Variants in ANKFN1 observed in about 807,000 individuals in gnomAD.
The protein encoded by ANKFN1 is ankyrin repeat and fibronectin type III domain containing 1, also known as ankyrin repeat and fibronectin type-III domain-containing protein 1.
ANKFN1 carries 74 observed loss-of-function variants against 108.7 expected under a neutral mutation model. The observed-to-expected ratio is 0.68, with a 90% CI of 0.56 to 0.83. The LOEUF (loss-of-function observed/expected upper bound fraction) is 0.83, where lower values mean the gene tolerates loss of function less well. Among genes scored for constraint, ANKFN1 ranks in the 40% least tolerant of loss-of-function variants. ANKFN1 has a pLI of 0.00. For missense variants in ANKFN1, 1,505 were observed against 1,382.3 expected (o/e 1.09, Z -1.41); for synonymous variants, 547 against 516.2 (o/e 1.06, Z -0.81).
chr17:56,329,770 A>C (rs1042394353), intron 4 of ANKFN1, among the ~76,000 whole-genome samples: 2 of 152,088 alleles, frequency 1.3e-5, no homozygotes, highest in Admixed American at 1.3e-4. Flanking sequence ...TGAAATCTTA[A>C]CCCCCAAGGT....
intron 8 of ANKFN1, among the ~76,000 whole-genome samples, chr17:56,421,582 G>A (rs563346504): frequency 1.3e-4 from 20 of 152,196 alleles, no homozygotes; most frequent in Admixed American, 5.9e-4. Flanking sequence ...ACAAAACAAA[G>A]CAAATTCTAA....
intron 8 of ANKFN1, among the ~76,000 whole-genome samples, chr17:56,422,230 T>C (rs1324352604): frequency 6.6e-6 from 1 of 152,248 alleles, no homozygotes; most frequent in Admixed American, 6.5e-5. Context: ...ATGGTACTTA[T>C]ATCTGTCACA....
chr17:56,177,465 G>A (rs1236496156), intron 1 of ANKFN1, among the ~76,000 whole-genome samples: 1 of 152,218 alleles, frequency 6.6e-6, no homozygotes, highest in Non-Finnish European at 1.5e-5. Flanking sequence ...GTACAAGCTG[G>A]AGACTCCTGT....
At chr17:56,218,450 G>T (rs1003100808) in intron 2 of ANKFN1, among the ~76,000 whole-genome samples, 2 of 151,950 alleles carry the variant, frequency 1.3e-5, no homozygotes, top group African/African-American at 4.8e-5. Context: ...TCTAACTCTT[G>T]CTTGTCTCTG....
At chr17:56,252,145 C>G (rs1176764558) in intron 3 of ANKFN1, 1 of 152,176 alleles carries the variant, frequency 6.6e-6, no homozygotes, top group Non-Finnish European at 1.5e-5. Context: ...TCAGAGAATG[C>G]AAATTCCTTT....
intron 4 of ANKFN1, among the ~76,000 whole-genome samples, chr17:56,124,299 G>A (rs1906796011): frequency 2.0e-5 from 3 of 152,232 alleles, no homozygotes; most frequent in Non-Finnish European, 4.4e-5. Flanking sequence ...GAGGCATAGA[G>A]TACTGAATGA....
chr17:56,275,589 TAC>T (rs148409191), intron 3 of ANKFN1, among the ~76,000 whole-genome samples: 2,163 of 152,274 alleles, frequency 0.014, 62 homozygotes, highest in African/African-American at 0.05. Context: ...AGGTGTCAAA[TAC>T]AGTGTTTAAA....
chr17:56,256,495 A>G (rs1265114661), intron 3 of ANKFN1, among the ~76,000 whole-genome samples: 2 of 152,188 alleles, frequency 1.3e-5, no homozygotes, highest in African/African-American at 2.4e-5. Context: ...GAAGAAGAAG[A>G]GTCTCACATT....
chr17:56,299,234 G>T lies in ANKFN1; in HGVS notation c.54-26987G>T, dbSNP rs1193553934. Among the ~76,000 whole-genome samples, 5 of 152,130 alleles carry T rather than the reference G, an allele frequency of 3.3e-5. No individual in the cohort carries two copies. In the East Asian group the frequency reaches 7.7e-4, roughly 23 times the overall value. ...TGTTGTGGTGGCTGATAGTACAGAA[G>T]TGCATTTGCCTGGGTCAAAGCTGCA... On this transcript the variant is annotated intron_variant, in intron 3 of 20. Transcript: ENST00000682825.
At chr17:56,338,515 T>C (rs1295738454) in intron 4 of ANKFN1, among the ~76,000 whole-genome samples, 1 of 152,118 alleles carries the variant, frequency 6.6e-6, no homozygotes, top group African/African-American at 2.4e-5. Flanking sequence ...TGAAAATGGC[T>C]AATAAGGAAC....
intron 8 of ANKFN1, among the ~76,000 whole-genome samples, chr17:56,438,360 G>C (rs1333652744): frequency 6.6e-6 from 1 of 152,040 alleles, no homozygotes; most frequent in Non-Finnish European, 1.5e-5. Flanking sequence ...AGGTAACAGA[G>C]ACTTACAGAA....
chr17:56,376,339 T>C (rs997476779), intron 8 of ANKFN1, among the ~76,000 whole-genome samples: 3 of 152,288 alleles, frequency 2.0e-5, no homozygotes, highest in African/African-American at 7.2e-5. Context: ...ATTTTCTGTA[T>C]CAGTCTAAGA....
At position 56,218,438 on chromosome 17, in the gene ANKFN1, G is replaced by A. The variant is rs1011344914; in HGVS notation, c.12+5759G>A. Among the ~76,000 whole-genome samples the A allele has an allele frequency of 2.0e-5, 3 of 152,166 alleles. No individual in the cohort carries two copies. In the East Asian group the frequency reaches 5.8e-4, roughly 29 times the overall value. ...GTTCAACCCTTTACCTGGCTGAGAT[G>A]ATCTAACTCTTGCTTGTCTCTGTCC... On this transcript the variant is annotated intron_variant, in intron 2 of 20. Transcript: ENST00000682825.
At chr17:56,167,966 C>T (rs192934520) in intron 1 of ANKFN1, among the ~76,000 whole-genome samples, 42 of 152,256 alleles carry the variant, frequency 2.8e-4, no homozygotes, top group Middle Eastern at 6.8e-3. Context: ...TCAGTGACCA[C>T]TAGAAATGTC....
intron 4 of ANKFN1, among the ~76,000 whole-genome samples, chr17:56,124,405 T>C (rs1444891397): frequency 6.6e-6 from 1 of 152,148 alleles, no homozygotes; most frequent in African/African-American, 2.4e-5. Context: ...TATAAGCACA[T>C]TCAAGCTGCA....
rs1019514845 is a variant in ANKFN1 at position 56,510,353 on chromosome 17, G to A, written c.2645-120G>A. On this transcript the variant is annotated intron_variant, in intron 20 of 20. Coordinates refer to ENST00000682825, the MANE Select transcript of ANKFN1 (RefSeq NM_001370326.1). ...GTCAGCATTTCAGGAGGTGACAGCA[G>A]GGCATTAAACGAAGCACAGGCCCCT... The A allele has an allele frequency of 7.2e-6, 6 of 833,362 alleles. No homozygotes were observed. In the South Asian group the frequency reaches 7.5e-5, roughly 10 times the overall value. 51.6% of individuals were successfully genotyped at this position (833,362 alleles called of 1,614,324 possible).
At chr17:56,344,264 T>C (rs1267338673) in intron 4 of ANKFN1, among the ~76,000 whole-genome samples, 4 of 152,076 alleles carry the variant, frequency 2.6e-5, no homozygotes, top group African/African-American at 9.7e-5. Context: ...ATTTGTAAAA[T>C]CTATATTTTT....
chr17:56,160,417 CTTTCTTT>C (rs1038636134), intron 1 of ANKFN1, among the ~76,000 whole-genome samples: 9 of 152,256 alleles, frequency 5.9e-5, no homozygotes, highest in East Asian at 5.8e-4. Context: ...CTCTTCCTTT[CTTTCTTT>C]TTTCTTTTTT....
chr17:56,240,602 T>C (rs1001569395), intron 3 of ANKFN1, among the ~76,000 whole-genome samples: 1 of 152,128 alleles, frequency 6.6e-6, no homozygotes, highest in African/African-American at 2.4e-5. Flanking sequence ...TACCAGATAA[T>C]GCCAAATTAC....
Sources: gnomAD v4.1 joint callset for allele counts (sites outside exome capture counted in the v4.1 genomes callset) on GRCh38, gnomAD v4.1.1 for gene constraint, MANE v1.5 for transcripts, NCBI Gene and HGNC (gene_info 2026-07-23, HGNC 2026-07-21) for gene names.